EXOC5: variants seen among roughly 807,000 people sequenced by gnomAD.
EXOC5 encodes the protein exocyst complex component 5, also known as SEC10-like 1.
In EXOC5, 17 loss-of-function variants were observed where a neutral mutation model predicts 90.8. The ratio of observed to expected loss-of-function variants is 0.19; its 90% CI spans 0.13 to 0.28. The LOEUF is 0.28. EXOC5 is among the 10% of genes least tolerant of loss of function. The pLI, the probability that EXOC5 is intolerant of heterozygous loss-of-function variation, is 1.00. For missense variants in EXOC5, 569 were observed against 830.6 expected, an observed-to-expected ratio of 0.69 and a Z score of 3.87; for synonymous variants, 260 against 270.0, an observed-to-expected ratio of 0.96 and a Z score of 0.36.
intron 13 of EXOC5, among the ~76,000 whole-genome samples, chr14:57,221,380 TA>T (rs1318484102): frequency 6.6e-6 from 1 of 152,160 alleles, no homozygotes; most frequent in Non-Finnish European, 1.5e-5. Flanking sequence ...TTAAGAGTAA[TA>T]GGAAACCACC....
At chr14:57,230,813 C>T (rs903524089) in intron 11 of EXOC5, among the ~76,000 whole-genome samples, 5 of 151,528 alleles carry the variant, frequency 3.3e-5, no homozygotes, top group South Asian at 2.1e-4. Context: ...ATTCAAGGTA[C>T]TTAAACTACA....
chr14:57,239,532 G>T (rs1213435518), intron 5 of EXOC5, 63 bp downstream of exon 5: 2 of 928,068 alleles, frequency 2.2e-6, no homozygotes, highest in African/African-American at 3.4e-5. Flanking sequence ...TACAGGAAAA[G>T]ATACTATTTT....
In EXOC5 at chr14:57,233,808, T is replaced by C. The variant is rs1490271016; in HGVS notation, c.790A>G (p.Ile264Val). The stretch of plus-strand genomic sequence containing the variant: ...AGGACTGTTTCTGGATTACTGAAGA[T>C]ATCTCCAACTTGTTTGTTCACTCTT... ...CQRVNKQVGDIFSNPETVLAK... is the reference protein window; with the variant it reads ...CQRVNKQVGDVFSNPETVLAK... The change falls in exon 9 of 18, where the codon ATC becomes GTC. Residue 264 changes from isoleucine to valine, a missense_variant. Physicochemically the swap from Ile to Val is conservative, Grantham distance 29. This residue lies in a region of EXOC5 where 114 missense variants were observed against 111.2 expected (regional missense o/e 1.03). Transcript: ENST00000621441. 2 of 1,602,906 alleles carry C rather than the reference T, an allele frequency of 1.2e-6. No homozygotes were observed. The highest frequency in any genetic ancestry group is 1.7e-6 in the Non-Finnish European group (2 of 1,170,220).
chr14:57,224,221 T>C (rs903601502), intron 12 of EXOC5, among the ~76,000 whole-genome samples: 8 of 151,556 alleles, frequency 5.3e-5, no homozygotes, highest in Non-Finnish European at 1.0e-4. Context: ...ATAACAGAAG[T>C]AATAAAGAGT....
At chr14:57,249,187 A>G (rs1322037536) in intron 1 of EXOC5, among the ~76,000 whole-genome samples, 1 of 152,156 alleles carries the variant, frequency 6.6e-6, no homozygotes, top group Non-Finnish European at 1.5e-5. Flanking sequence ...GTAAGTCTAC[A>G]AGGTAGGTTC....
In EXOC5 at chr14:57,246,837, A is replaced by G. The variant is rs1566502419; in HGVS notation, c.144T>C (p.Asn48=). ...CCATTATCTGGAGTTCCTGAATATG[A>G]TTTACAAATTCTTCTAATAATCTAA... is the stretch of plus-strand genomic sequence containing the variant. ...DPKRLLEEFV[N]HIQELQIMDE... Residue 48 remains asparagine (N), a synonymous_variant, in exon 3 of 18, where the codon AAT becomes AAC. Coordinates refer to ENST00000621441, the MANE Select transcript of EXOC5 (RefSeq NM_006544.4). 1 of 1,579,118 alleles carries G rather than the reference A, an allele frequency of 6.3e-7. No homozygotes were observed. Among genetic ancestry groups the G allele is most frequent in the African/African-American group, 1.4e-5 (1 of 73,402 alleles).
chr14:57,221,036 A>G (rs1237951536), intron 13 of EXOC5, among the ~76,000 whole-genome samples: 1 of 152,156 alleles, frequency 6.6e-6, no homozygotes, highest in Non-Finnish European at 1.5e-5. Context: ...TTTCATTGTG[A>G]TAAGTGCTAT....
Position 57,229,659 on chromosome 14 carries a change from G to A in EXOC5, c.1296+75C>T, listed in dbSNP as rs1418908583. 8.0e-6 allele frequency: 9 copies of A among 1,126,440 alleles called. No individual in the cohort carries two copies. In the African/African-American group the frequency reaches 1.4e-4, roughly 17 times the overall value. The allele number at this position is 1,126,440 out of a possible 1,614,324, so 69.8% of individuals were successfully genotyped here. A position where few individuals can be genotyped will look rare whatever the true frequency, so the allele number is the denominator to read the frequency against. On this transcript the variant is annotated intron_variant, in intron 12 of 17. Coordinates refer to ENST00000621441, the MANE Select transcript of EXOC5 (RefSeq NM_006544.4). ...AGCATCCACGATTTTGGTATCCTCGGAGGTTCTGGAATCAATTCCCCACAG... is the reference window on the plus strand; with the variant it reads ...AGCATCCACGATTTTGGTATCCTCGAAGGTTCTGGAATCAATTCCCCACAG...
intron 6 of EXOC5, among the ~76,000 whole-genome samples, chr14:57,236,238 C>T (rs573454654): frequency 1.6e-3 from 244 of 151,832 alleles, no homozygotes; most frequent in African/African-American, 5.5e-3. Flanking sequence ...GATGACTGAA[C>T]ACCAAATCTC....
At chr14:57,259,592 A>G (rs964978109) in intron 1 of EXOC5, among the ~76,000 whole-genome samples, 3 of 152,062 alleles carry the variant, frequency 2.0e-5, no homozygotes, top group African/African-American at 7.2e-5. Context: ...TCCTCCAACA[A>G]TTCAAACACT....
rs765667679 is a variant in EXOC5, at chr14:57,219,455, A to G, written c.1406-13T>C. 2 of 1,563,756 alleles carry G rather than the reference A, an allele frequency of 1.3e-6. No homozygotes were observed. The highest frequency in any genetic ancestry group is 2.3e-5 in the East Asian group (1 of 43,696). ...GAAGAGGGAATTCCTAAAACCAGAA[A>G]GCATACATATGTTAGAATCATCCTT... is the stretch of plus-strand genomic sequence containing the variant. On this transcript the variant is annotated splice_polypyrimidine_tract_variant and intron_variant, in intron 13 of 17. Transcript: ENST00000621441.
Position 57,257,855 on chromosome 14 carries a change from A to T in EXOC5, c.28-10143T>A, listed in dbSNP as rs537764994. 7.9e-5 allele frequency among the ~76,000 whole-genome samples: 12 copies of T among 152,278 alleles called. No individual in the cohort carries two copies. In the South Asian group the frequency reaches 2.5e-3, roughly 32 times the overall value. ...AGTCCTCCCAAAAGACTTCTCAAAC[A>T]ATTCCCTGTAATACAAATACCTGTA... On this transcript the variant is annotated intron_variant, in intron 1 of 17. Transcript: ENST00000621441.
At chr14:57,239,696 CT>C (rs1883797051) in intron 4 of EXOC5, 37 bp from the exon 5 acceptor site, 1 of 1,264,972 alleles carries the variant, frequency 7.9e-7, no homozygotes, top group Non-Finnish European at 1.1e-6. Context: ...ATTTAAAAAA[CT>C]TTTAGGCATA....
rs555029392 is a variant in EXOC5 at position 57,203,720 on chromosome 14, G to C, written c.*4889C>G. 1.3e-5 allele frequency: 2 copies of C among 152,574 alleles called. No individual in the cohort carries two copies. Among genetic ancestry groups the C allele is most frequent in the South Asian group, 2.1e-4 (1 of 4,824 alleles). 9.5% of individuals were successfully genotyped at this position (152,574 alleles called of 1,614,324 possible). On this transcript the variant is annotated 3_prime_UTR_variant, in exon 18 of 18. Coordinates refer to ENST00000621441, the MANE Select transcript of EXOC5 (RefSeq NM_006544.4). The stretch of plus-strand genomic sequence containing the variant: ...GAAAGTAAACTTAATTCCAGTTTCA[G>C]ACTTTTAAATTAAAAGTGGCTCAGT...
chr14:57,211,985 G>C (rs1468571451), intron 15 of EXOC5, among the ~76,000 whole-genome samples: 1 of 152,090 alleles, frequency 6.6e-6, no homozygotes, highest in African/African-American at 2.4e-5. Context: ...TCAGCCTCCT[G>C]AGTAGCTGGG....
At chr14:57,262,620 T>C (rs1884540517) in intron 1 of EXOC5, among the ~76,000 whole-genome samples, 1 of 147,470 alleles carries the variant, frequency 6.8e-6, no homozygotes, top group Non-Finnish European at 1.5e-5. Context: ...TACATATATG[T>C]ATATATTTAT....
rs1883557391 is a variant in EXOC5 at position 57,233,731 on chromosome 14, A to G, written c.855+12T>C. 1 of 1,479,464 alleles carries G rather than the reference A, an allele frequency of 6.8e-7. No individual in the cohort carries two copies. Among genetic ancestry groups the G allele is most frequent in the Non-Finnish European group, 9.4e-7 (1 of 1,068,652 alleles). 91.6% of individuals were successfully genotyped at this position (1,479,464 alleles called of 1,614,324 possible). A position where few individuals can be genotyped will look rare whatever the true frequency, so the allele number is the denominator to read the frequency against. On this transcript the variant is annotated intron_variant, in intron 9 of 17. Transcript: ENST00000621441. ...TTTAAGAACTATTTAATTTGTTACT[A>G]TTTAAAATTACCTGTAGTTTGATTT...
chr14:57,230,129 A>G (rs967944451), intron 11 of EXOC5, among the ~76,000 whole-genome samples: 2 of 152,286 alleles, frequency 1.3e-5, no homozygotes, highest in Non-Finnish European at 1.5e-5. Flanking sequence ...CAGCCTTACA[A>G]TTCTGACTCA....
Position 57,268,902 on chromosome 14 carries a change from A to G in EXOC5, c.-254T>C, listed in dbSNP as rs1884795746. On this transcript the variant is annotated 5_prime_UTR_variant, in exon 1 of 18. Coordinates refer to ENST00000621441, the MANE Select transcript of EXOC5 (RefSeq NM_006544.4). ...TCACCGCCTCATACGCCGGAAGTGG[A>G]ACTGCGCGCGCCAGGGAGGTTGTCG... 4 of 956,956 alleles carry G rather than the reference A, an allele frequency of 4.2e-6. No homozygotes were observed. The Admixed American group carries it at 1.4e-4, about 34-fold the overall frequency. 59.3% of individuals were successfully genotyped at this position (956,956 alleles called of 1,614,324 possible).
Sources: gnomAD v4.1 joint callset for allele counts (sites outside exome capture counted in the v4.1 genomes callset) on GRCh38, gnomAD v4.1.1 for gene constraint, gnomAD v4.1.1 regional missense constraint, MANE v1.5 for transcripts, NCBI Gene and HGNC (gene_info 2026-07-23, HGNC 2026-07-21) for gene names.